CPT1A: variants seen among roughly 807,000 people sequenced by gnomAD.
CPT1A encodes the protein carnitine palmitoyltransferase 1A.
In CPT1A, 64 loss-of-function variants were observed where a neutral mutation model predicts 100.8. The ratio of observed to expected loss-of-function variants is 0.63; its 90% CI spans 0.52 to 0.78. CPT1A has a LOEUF of 0.78. Among genes scored for constraint, CPT1A ranks in the 30% least tolerant of loss-of-function variants. The pLI, the probability that CPT1A is intolerant of heterozygous loss-of-function variation, is 0.00. For missense variants in CPT1A, 802 were observed against 1,034.1 expected (o/e 0.78, Z 3.08); for synonymous variants, 363 against 396.0 (o/e 0.92, Z 0.99).
intron 1 of CPT1A, among the ~76,000 whole-genome samples, chr11:68,836,111 T>C (rs572825291): frequency 9.9e-5 from 15 of 152,282 alleles, no homozygotes; most frequent in African/African-American, 3.4e-4. Flanking sequence ...CTTTTAGCAA[T>C]CTGTGGTTGT....
chr11:68,802,720 C>T (rs1210425438), intron 5 of CPT1A, among the ~76,000 whole-genome samples: 2 of 148,852 alleles, frequency 1.3e-5, no homozygotes, highest in African/African-American at 2.5e-5. Flanking sequence ...GGTGACAGAG[C>T]GAGATTCTGT....
intron 8 of CPT1A, among the ~76,000 whole-genome samples, chr11:68,794,471 T>C (rs1411673636): frequency 6.6e-6 from 1 of 152,074 alleles, no homozygotes; most frequent in Non-Finnish European, 1.5e-5. Flanking sequence ...AGTGCAATGG[T>C]GTTATCTTGG....
At chr11:68,762,540 G>T in intron 15 of CPT1A, 87 bp downstream of exon 15, 1 of 1,540,952 alleles carries the variant, frequency 6.5e-7, no homozygotes, top group Non-Finnish European at 8.9e-7. Flanking sequence ...GGAATGATGA[G>T]ATCAGAGAAG....
intron 1 of CPT1A, chr11:68,839,694 T>G: frequency 1.0e-6 from 1 of 985,460 alleles, no homozygotes; most frequent in Non-Finnish European, 1.2e-6. Flanking sequence ...TAAAAGGGGC[T>G]CACTGTGAAG....
chr11:68,801,051 G>A (rs1275491135), intron 5 of CPT1A, among the ~76,000 whole-genome samples: 1 of 152,194 alleles, frequency 6.6e-6, no homozygotes, highest in African/African-American at 2.4e-5. Context: ...CAAGGTTGCA[G>A]TGAGCTAGGA....
chr11:68,804,224 AT>A, intron 4 of CPT1A, 123 bp from the exon 5 acceptor site: 1 of 743,144 alleles, frequency 1.3e-6, no homozygotes, highest in Admixed American at 2.0e-5. Flanking sequence ...GAGAATGACC[AT>A]TTCAAAGACA....
intron 5 of CPT1A, among the ~76,000 whole-genome samples, chr11:68,802,354 A>AT (rs1161784913): frequency 3.3e-5 from 5 of 152,072 alleles, no homozygotes; most frequent in African/African-American, 1.2e-4. Context: ...AAGAAAAAAA[A>AT]AGACCGAAGC....
chr11:68,821,806 T>C (rs1856592516), intron 1 of CPT1A, among the ~76,000 whole-genome samples: 1 of 152,062 alleles, frequency 6.6e-6, no homozygotes. Flanking sequence ...TTTGGTTCTG[T>C]CCGCAAATTC....
At chr11:68,817,020 T>G (rs1484180781) in intron 1 of CPT1A, among the ~76,000 whole-genome samples, 4 of 62,582 alleles carry the variant, frequency 6.4e-5, no homozygotes, top group Non-Finnish European at 1.1e-4. Flanking sequence ...GGGGGGTGGG[T>G]GTGTGTGTGG....
intron 8 of CPT1A, among the ~76,000 whole-genome samples, chr11:68,794,019 G>T (rs1278940649): frequency 1.3e-5 from 2 of 152,142 alleles, no homozygotes; most frequent in African/African-American, 2.4e-5. Flanking sequence ...TTTCTTATGA[G>T]CAACTAAGCA....
At chr11:68,828,216 T>A (rs1471193949) in intron 1 of CPT1A, among the ~76,000 whole-genome samples, 1 of 152,186 alleles carries the variant, frequency 6.6e-6, no homozygotes, top group Non-Finnish European at 1.5e-5. Flanking sequence ...CATCTCCCTG[T>A]GTCTCCCAAG....
chr11:68,785,958 A>T lies in CPT1A; in HGVS notation c.968-948T>A, dbSNP rs1414594297. ...CACAGAAATGTGATGAAGTACGTTC[A>T]CTCCACGAATATTTATCAAGTCCTC... On this transcript the variant is annotated intron_variant, in intron 9 of 18. Transcript: ENST00000265641. 7.2e-6 allele frequency: 5 copies of T among 699,010 alleles called. No individual in the cohort carries two copies. In the East Asian group the frequency reaches 1.4e-4, roughly 19 times the overall value. 43.3% of individuals were successfully genotyped at this position (699,010 alleles called of 1,614,324 possible). A position where few individuals can be genotyped will look rare whatever the true frequency, so the allele number is the denominator to read the frequency against.
At chr11:68,823,846 A>G (rs977742477) in intron 1 of CPT1A, among the ~76,000 whole-genome samples, 25 of 151,996 alleles carry the variant, frequency 1.6e-4, no homozygotes, top group Non-Finnish European at 2.5e-4. Context: ...TATGGATGCA[A>G]CTGGAGGCCT....
intron 16 of CPT1A, among the ~76,000 whole-genome samples, chr11:68,761,124 G>A (rs1946801032): frequency 1.3e-5 from 2 of 151,598 alleles, no homozygotes; most frequent in South Asian, 4.2e-4. Context: ...ACGAAGAATT[G>A]CTTGTGTCTA....
At chr11:68,830,353 G>A (rs1231743626) in intron 1 of CPT1A, among the ~76,000 whole-genome samples, 1 of 152,072 alleles carries the variant, frequency 6.6e-6, no homozygotes, top group Non-Finnish European at 1.5e-5. Context: ...CCACCTGCTG[G>A]GAGCTCACAC....
intron 9 of CPT1A, among the ~76,000 whole-genome samples, 176 bp downstream of exon 9, chr11:68,793,139 C>G (rs1855663481): frequency 6.6e-6 from 1 of 152,172 alleles, no homozygotes; most frequent in African/African-American, 2.4e-5. Context: ...AATAAGTCAA[C>G]AACAGTGTCC....
intron 9 of CPT1A, among the ~76,000 whole-genome samples, chr11:68,792,850 A>C (rs1855655373): frequency 6.6e-6 from 1 of 152,044 alleles, no homozygotes; most frequent in African/African-American, 2.4e-5. Context: ...GGAGTTTGAG[A>C]TCAGCCTGGG....
intron 1 of CPT1A, among the ~76,000 whole-genome samples, chr11:68,835,968 C>T (rs1856999303): frequency 1.3e-5 from 2 of 152,286 alleles, no homozygotes; most frequent in South Asian, 4.1e-4. Context: ...GTTCTTTGTC[C>T]CTTTCCAACT....
chr11:68,779,515 G>T (rs982932786), intron 12 of CPT1A, among the ~76,000 whole-genome samples: 1 of 67,450 alleles, frequency 1.5e-5, no homozygotes, highest in South Asian at 5.8e-4. Context: ...AAAAAAAAAG[G>T]CTGAGTGTGG....
Sources: allele counts gnomAD v4.1 joint callset (sites outside exome capture counted in the v4.1 genomes callset), GRCh38; gene constraint gnomAD v4.1.1; transcripts MANE v1.5; gene names NCBI Gene and HGNC (gene_info 2026-07-23, HGNC 2026-07-21).